Variants in HEMK2 observed in about 807,000 individuals in gnomAD.
The protein encoded by HEMK2 is HemK methyltransferase 2, ETF1 glutamine and histone H4 lysine, also known as methyltransferase HEMK2.
At chr21:28,609,324 AG>A in the HEMK2 span, among the ~76,000 whole-genome samples, 10 of 152,184 alleles carry the variant, frequency 6.6e-5, no homozygotes, top group African/African-American at 2.4e-4. Context: ...TTCAGTTCTC[AG>A]GAAGCCCACC....
chr21:28,846,714 T>C, the HEMK2 span, among the ~76,000 whole-genome samples: 1 of 152,122 alleles, frequency 6.6e-6, no homozygotes, highest in Non-Finnish European at 1.5e-5. Flanking sequence ...AGGAGTTTGG[T>C]ATACAGATTA....
chr21:28,629,579 G>A, the HEMK2 span, among the ~76,000 whole-genome samples: 1 of 152,190 alleles, frequency 6.6e-6, no homozygotes, highest in Admixed American at 6.5e-5. Flanking sequence ...GTGGACCGCA[G>A]GCAGCATGGC....
the HEMK2 span, among the ~76,000 whole-genome samples, chr21:28,671,917 T>C: frequency 6.6e-6 from 1 of 152,156 alleles, no homozygotes; most frequent in African/African-American, 2.4e-5. Context: ...CAATATATGG[T>C]CTCCCCTATC....
chr21:28,631,031 T>C, the HEMK2 span, among the ~76,000 whole-genome samples: 3 of 152,182 alleles, frequency 2.0e-5, no homozygotes, highest in African/African-American at 7.2e-5. Flanking sequence ...TAGAGAGTAA[T>C]GAATCTCCCC....
At chr21:28,713,538 G>C in the HEMK2 span, among the ~76,000 whole-genome samples, 1 of 152,204 alleles carries the variant, frequency 6.6e-6, no homozygotes, top group Admixed American at 6.5e-5. Context: ...TGCATGTACA[G>C]TTCCTCTTGC....
At chr21:28,880,475 T>C in the HEMK2 span, among the ~76,000 whole-genome samples, 3 of 152,194 alleles carry the variant, frequency 2.0e-5, no homozygotes, top group African/African-American at 4.8e-5. Flanking sequence ...CTCATGCCTG[T>C]AATCCCAGCA....
the HEMK2 span, among the ~76,000 whole-genome samples, chr21:28,854,212 T>G: frequency 6.6e-6 from 1 of 152,208 alleles, no homozygotes; most frequent in Admixed American, 6.5e-5. Flanking sequence ...AGTTGCTAAG[T>G]TCCTTGCCTC....
At chr21:28,754,348 G>A in the HEMK2 span, among the ~76,000 whole-genome samples, 1 of 152,214 alleles carries the variant, frequency 6.6e-6, no homozygotes, top group Non-Finnish European at 1.5e-5. Flanking sequence ...TCTGAACTTG[G>A]CGGAGCCTAC....
At chr21:28,740,995 T>C in the HEMK2 span, among the ~76,000 whole-genome samples, 1 of 152,218 alleles carries the variant, frequency 6.6e-6, no homozygotes, top group Non-Finnish European at 1.5e-5. Flanking sequence ...CAATTACTAC[T>C]ATAATTTACT....
the HEMK2 span, among the ~76,000 whole-genome samples, chr21:28,622,230 T>C: frequency 2.1e-3 from 326 of 152,240 alleles, 2 homozygotes; most frequent in Admixed American, 5.4e-3. Context: ...CCATTCACAA[T>C]TGCTACAAAA....
At chr21:28,597,358 A>G in the HEMK2 span, among the ~76,000 whole-genome samples, 1 of 152,236 alleles carries the variant, frequency 6.6e-6, no homozygotes, top group Non-Finnish European at 1.5e-5. Flanking sequence ...ACAAGAAAAG[A>G]GACAACACTG....
chr21:28,604,004 T>C, the HEMK2 span, among the ~76,000 whole-genome samples: 1 of 152,196 alleles, frequency 6.6e-6, no homozygotes, highest in Non-Finnish European at 1.5e-5. Flanking sequence ...CCAACTGCTA[T>C]AGGGAGAGGT....
At chr21:28,609,576 A>C in the HEMK2 span, among the ~76,000 whole-genome samples, 8 of 151,708 alleles carry the variant, frequency 5.3e-5, no homozygotes, top group East Asian at 1.2e-3. Flanking sequence ...GGAAAAAAAA[A>C]AAAAAAACAA....
At chr21:28,757,901 G>A in the HEMK2 span, among the ~76,000 whole-genome samples, 1 of 152,164 alleles carries the variant, frequency 6.6e-6, no homozygotes, top group Admixed American at 6.5e-5. Context: ...ATAAGGCTAT[G>A]CATTAGGAAT....
At chr21:28,877,040 G>GCAGC in the HEMK2 span, among the ~76,000 whole-genome samples, 1 of 46,916 alleles carries the variant, frequency 2.1e-5, no homozygotes, top group Non-Finnish European at 5.4e-5. Flanking sequence ...AGGAAGGAGG[G>GCAGC]AGGGAGGGAG....
At chr21:28,655,854 C>T in the HEMK2 span, among the ~76,000 whole-genome samples, 15 of 152,090 alleles carry the variant, frequency 9.9e-5, no homozygotes, top group Non-Finnish European at 1.6e-4. Flanking sequence ...AAAATATCTG[C>T]ATTTATATAA....
chr21:28,618,360 C>A, the HEMK2 span, among the ~76,000 whole-genome samples: 2 of 152,096 alleles, frequency 1.3e-5, no homozygotes, highest in Non-Finnish European at 2.9e-5. Context: ...AAGGAATTTT[C>A]TGGCCTATTT....
At chr21:28,816,723 G>C in the HEMK2 span, among the ~76,000 whole-genome samples, 1 of 152,148 alleles carries the variant, frequency 6.6e-6, no homozygotes, top group Non-Finnish European at 1.5e-5. Flanking sequence ...TACAGCTGAA[G>C]AATGAATTAG....
chr21:28,824,839 C>T, the HEMK2 span, among the ~76,000 whole-genome samples: 1 of 152,170 alleles, frequency 6.6e-6, no homozygotes, highest in African/African-American at 2.4e-5. Flanking sequence ...TTCTATTTCT[C>T]CATTTTTCTG....
Sources: allele counts gnomAD v4.1 joint callset (sites outside exome capture counted in the v4.1 genomes callset), GRCh38; gene constraint gnomAD v4.1.1; transcripts MANE v1.5; gene names NCBI Gene and HGNC (gene_info 2026-07-23, HGNC 2026-07-21).